Variants in NKAIN2 observed in about 807,000 individuals in gnomAD.
NKAIN2 encodes the protein sodium/potassium-transporting ATPase subunit beta-1-interacting protein 2.
In NKAIN2, 14 loss-of-function variants were observed where a neutral mutation model predicts 32.6. That is an observed-to-expected ratio of 0.43 (90% confidence interval 0.28 to 0.67). The LOEUF (loss-of-function observed/expected upper bound fraction) is 0.67. NKAIN2 is among the 30% of genes least tolerant of loss of function. NKAIN2 has a pLI of 0.17. For missense variants in NKAIN2, 198 were observed against 258.3 expected (o/e 0.77, Z 1.60); for synonymous variants, 80 against 87.2 (o/e 0.92, Z 0.46).
chr6:124,314,683 G>A (rs1398939092), intron 2 of NKAIN2, among the ~76,000 whole-genome samples: 1 of 152,148 alleles, frequency 6.6e-6, no homozygotes, highest in Non-Finnish European at 1.5e-5. Flanking sequence ...CCCCTGAAAA[G>A]GGTTCAGCCT....
intron 3 of NKAIN2, among the ~76,000 whole-genome samples, chr6:124,634,878 A>G (rs945082985): frequency 6.6e-6 from 1 of 152,056 alleles, no homozygotes; most frequent in Non-Finnish European, 1.5e-5. Flanking sequence ...ATATAAGGGA[A>G]TCCCCTTCAG....
chr6:124,055,917 T>A (rs114892626), intron 1 of NKAIN2, among the ~76,000 whole-genome samples: 1 of 152,060 alleles, frequency 6.6e-6, no homozygotes, highest in East Asian at 1.9e-4. Context: ...ACTAAAATGG[T>A]TGAATTTGTC....
At chr6:123,884,145 T>C (rs559836252) in intron 1 of NKAIN2, among the ~76,000 whole-genome samples, 110 of 152,130 alleles carry the variant, frequency 7.2e-4, no homozygotes, top group African/African-American at 2.6e-3. Flanking sequence ...CAGTGTGTGT[T>C]GTTTCCCTCT....
intron 1 of NKAIN2, among the ~76,000 whole-genome samples, chr6:124,240,644 G>A (rs372136704): frequency 8.6e-5 from 13 of 151,674 alleles, no homozygotes; most frequent in African/African-American, 2.4e-4. Context: ...ATGACAAAAA[G>A]CACATGATTA....
intron 1 of NKAIN2, among the ~76,000 whole-genome samples, chr6:123,903,091 A>G (rs1006097491): frequency 6.6e-6 from 1 of 152,246 alleles, no homozygotes; most frequent in Non-Finnish European, 1.5e-5. Context: ...ATTATGGGAA[A>G]CTACCACTGA....
intron 4 of NKAIN2, among the ~76,000 whole-genome samples, chr6:124,721,769 T>G (rs1440279360): frequency 2.6e-5 from 4 of 152,218 alleles, no homozygotes; most frequent in African/African-American, 7.2e-5. Context: ...GGTGCCTCAA[T>G]GTACTGTCAC....
intron 3 of NKAIN2, among the ~76,000 whole-genome samples, chr6:124,414,180 T>G (rs1481124998): frequency 6.6e-6 from 1 of 152,172 alleles, no homozygotes; most frequent in Non-Finnish European, 1.5e-5. Flanking sequence ...TGGTAAATGC[T>G]CTTTATTACA....
intron 3 of NKAIN2, among the ~76,000 whole-genome samples, chr6:124,592,631 C>A (rs1315121045): frequency 2.0e-5 from 3 of 152,170 alleles, no homozygotes; most frequent in Non-Finnish European, 2.9e-5. Flanking sequence ...AAGTGAATAA[C>A]TGTAGAGGCA....
chr6:124,546,876 G>A (rs756331732), intron 3 of NKAIN2, among the ~76,000 whole-genome samples: 2 of 152,280 alleles, frequency 1.3e-5, no homozygotes, highest in Non-Finnish European at 2.9e-5. Flanking sequence ...CAGAGAGAAA[G>A]CAGATGGCCC....
At chr6:123,920,924 G>A (rs567783706) in intron 1 of NKAIN2, among the ~76,000 whole-genome samples, 2 of 152,188 alleles carry the variant, frequency 1.3e-5, no homozygotes, top group Non-Finnish European at 2.9e-5. Flanking sequence ...ACATAAGGAT[G>A]TTGTTTGTAA....
At chr6:124,355,426 G>C in intron 3 of NKAIN2, 79 bp downstream of exon 3, 1 of 764,272 alleles carries the variant, frequency 1.3e-6, no homozygotes, top group Non-Finnish European at 2.3e-6. Context: ...GTCTCATCCT[G>C]TTCTGCTTGC....
intron 3 of NKAIN2, among the ~76,000 whole-genome samples, chr6:124,415,662 G>C (rs1485041941): frequency 6.6e-6 from 1 of 151,942 alleles, no homozygotes; most frequent in African/African-American, 2.4e-5. Context: ...TTCCTTCCTT[G>C]GTCTTTCTGG....
intron 1 of NKAIN2, among the ~76,000 whole-genome samples, chr6:123,847,759 C>T (rs1409878317): frequency 6.6e-6 from 1 of 151,950 alleles, no homozygotes; most frequent in African/African-American, 2.4e-5. Context: ...ATCTAAAATC[C>T]AGGCCTATCA....
intron 3 of NKAIN2, among the ~76,000 whole-genome samples, chr6:124,462,177 T>C (rs937889551): frequency 2.6e-5 from 4 of 151,690 alleles, no homozygotes; most frequent in Non-Finnish European, 5.9e-5. Context: ...TGGAACATAA[T>C]AAGGAATGGA....
chr6:124,243,475 A>G (rs779615045), intron 1 of NKAIN2, among the ~76,000 whole-genome samples: 1 of 151,850 alleles, frequency 6.6e-6, no homozygotes. Flanking sequence ...AGCCTGGGTG[A>G]CAGAACAAGA....
At chr6:123,834,351 C>T (rs1354396635) in intron 1 of NKAIN2, among the ~76,000 whole-genome samples, 1 of 151,824 alleles carries the variant, frequency 6.6e-6, no homozygotes, top group East Asian at 2.0e-4. Context: ...GACGGGGTTT[C>T]ACCATGTTGG....
chr6:124,171,464 C>A (rs1441064713), intron 1 of NKAIN2, among the ~76,000 whole-genome samples: 1 of 150,304 alleles, frequency 6.7e-6, no homozygotes, highest in Non-Finnish European at 1.5e-5. Flanking sequence ...ATGATAGATT[C>A]TTAAAGCAAT....
chr6:123,809,802 T>C (rs538726660), intron 1 of NKAIN2, among the ~76,000 whole-genome samples: 7 of 152,272 alleles, frequency 4.6e-5, no homozygotes, highest in Non-Finnish European at 8.8e-5. Context: ...GTATAGACTC[T>C]TTTTGTTTTT....
intron 3 of NKAIN2, among the ~76,000 whole-genome samples, chr6:124,440,365 C>T (rs1775637091): frequency 6.6e-6 from 1 of 152,074 alleles, no homozygotes; most frequent in Admixed American, 6.6e-5. Flanking sequence ...GCTCCTTTTG[C>T]TGCAGCTGGT....
Sources: gnomAD v4.1 joint callset for allele counts (sites outside exome capture counted in the v4.1 genomes callset) on GRCh38, gnomAD v4.1.1 for gene constraint, MANE v1.5 for transcripts, NCBI Gene and HGNC (gene_info 2026-07-23, HGNC 2026-07-21) for gene names.